GAREM1: variants seen among roughly 807,000 people sequenced by gnomAD.
The protein encoded by GAREM1 is GRB2 associated regulator of MAPK1 subtype 1, also known as GRB2-associated and regulator of MAPK protein 1.
Under a neutral mutation model 71.3 loss-of-function variants are expected in GAREM1, and 26 were observed. The observed-to-expected ratio is 0.36, with a 90% CI of 0.27 to 0.51. GAREM1 has a LOEUF of 0.51. Among genes scored for constraint, GAREM1 ranks in the 20% least tolerant of loss-of-function variants. The pLI, the probability that GAREM1 is intolerant of heterozygous loss-of-function variation, is 0.95. For missense variants in GAREM1, 1,026 were observed against 1,103.1 expected (o/e 0.93, Z 0.99); for synonymous variants, 440 against 433.2 (o/e 1.02, Z -0.20).
At chr18:32,360,174 T>C (rs1355537038) in intron 2 of GAREM1, among the ~76,000 whole-genome samples, 1 of 152,036 alleles carries the variant, frequency 6.6e-6, no homozygotes, top group African/African-American at 2.4e-5. Context: ...CTGGATTTAT[T>C]TCTGCAATTT....
intron 1 of GAREM1, among the ~76,000 whole-genome samples, chr18:32,447,285 A>AAT: frequency 6.6e-6 from 1 of 152,162 alleles, no homozygotes; most frequent in Non-Finnish European, 1.5e-5. Context: ...GTTGGAATTT[A>AAT]ATATATATAC....
intron 1 of GAREM1, among the ~76,000 whole-genome samples, chr18:32,418,293 T>C (rs374939870): frequency 1.3e-5 from 2 of 152,266 alleles, no homozygotes; most frequent in East Asian, 3.9e-4. Context: ...AGTTCCGTGA[T>C]GAGTCTCAGA....
At chr18:32,354,929 C>T (rs537178782) in intron 2 of GAREM1, among the ~76,000 whole-genome samples, 6 of 152,100 alleles carry the variant, frequency 3.9e-5, no homozygotes, top group Non-Finnish European at 7.4e-5. Flanking sequence ...ATTCCATATA[C>T]AAAATTATCT....
At position 32,268,637 on chromosome 18, in the gene GAREM1, G is replaced by A. The variant is rs774210648; in HGVS notation, c.1865C>T (p.Ser622Phe). 6.2e-7 allele frequency: 1 copy of A among 1,614,190 alleles called. No homozygotes were observed. Among genetic ancestry groups the A allele is most frequent in the Non-Finnish European group, 8.5e-7 (1 of 1,180,020 alleles). ...FGSPSAEAVS[S>F]RLSWPNHYSG... ...ATAATGGTTAGGCCATGAGAGCCGA[G>A]AGGACACAGCTTCAGCAGAAGGACT... is the stretch of plus-strand genomic sequence containing the variant. The change falls in exon 6 of 6, where the codon TCT (serine) becomes TTT (phenylalanine). Residue 622 changes from serine (S) to phenylalanine (F), a missense_variant. Ser to Phe is a radical substitution (Grantham distance 155). Around this residue, in one of 3 missense-constraint regions of GAREM1, gnomAD observed 636 missense variants for 631.2 expected, o/e 1.01. Transcript: ENST00000269209.
rs572624104 is a variant in GAREM1, at chr18:32,331,094, G to GT, written c.263-20772dup. ...AAACTGACATCATAGATAATTATAGGTTTTTTTCCCTCTTTAATTCTATTA... is the reference window on the plus strand; with the variant it reads ...AAACTGACATCATAGATAATTATAGGTTTTTTTTCCCTCTTTAATTCTATTA... On this transcript the variant is annotated intron_variant, in intron 2 of 5. Transcript: ENST00000269209. Among the ~76,000 whole-genome samples, 233 of 152,100 alleles carry GT rather than the reference G, an allele frequency of 1.5e-3. 1 individual carries two copies. Among genetic ancestry groups the GT allele is most frequent in the African/African-American group, 5.4e-3 (222 of 41,486 alleles).
intron 1 of GAREM1, 145 bp from the exon 2 acceptor site, chr18:32,393,180 G>GT (rs10708225): frequency 0.064 from 28,835 of 447,868 alleles, no homozygotes; most frequent in South Asian, 0.079. Flanking sequence ...CCTCTGAATT[G>GT]TTTTTTTTTT....
chr18:32,362,149 T>C (rs758218879), intron 2 of GAREM1, among the ~76,000 whole-genome samples: 37 of 152,182 alleles, frequency 2.4e-4, no homozygotes, highest in Admixed American at 8.5e-4. Context: ...CCATCTCCCA[T>C]ACCAGATGTT....
At chr18:32,452,604 T>C (rs1350020928) in intron 1 of GAREM1, among the ~76,000 whole-genome samples, 1 of 152,206 alleles carries the variant, frequency 6.6e-6, no homozygotes, top group African/African-American at 2.4e-5. Flanking sequence ...TATTTAATTG[T>C]CTAAGCACCT....
chr18:32,440,392 G>A (rs906102010), intron 1 of GAREM1, among the ~76,000 whole-genome samples: 2 of 152,212 alleles, frequency 1.3e-5, no homozygotes, highest in Admixed American at 1.3e-4. Flanking sequence ...ATTCTCAAGA[G>A]AGAATTAACC....
chr18:32,335,040 A>G (rs1455052425), intron 2 of GAREM1, among the ~76,000 whole-genome samples: 1 of 151,978 alleles, frequency 6.6e-6, no homozygotes, highest in Non-Finnish European at 1.5e-5. Flanking sequence ...CCCACTGCCA[A>G]TTTTCAAATC....
chr18:32,316,916 A>C (rs2047383081), intron 2 of GAREM1, among the ~76,000 whole-genome samples: 1 of 152,254 alleles, frequency 6.6e-6, no homozygotes, highest in Non-Finnish European at 1.5e-5. Context: ...TTCATGAGCT[A>C]AACAGTCTCT....
Position 32,297,402 on chromosome 18 carries a change from TCA to T in GAREM1, c.394-9201_394-9200del, listed in dbSNP as rs369740530. 2.7e-4 allele frequency among the ~76,000 whole-genome samples: 41 copies of T among 152,354 alleles called. No individual in the cohort carries two copies. The East Asian group carries it at 7.3e-3, about 27-fold the overall frequency. The stretch of plus-strand genomic sequence containing the variant: ...TAAGTGAACGTATGTAAACAAATGC[TCA>T]CAGTGCTTGGCACATGGTAGGCTCT... On this transcript the variant is annotated intron_variant, in intron 3 of 5. Coordinates refer to ENST00000269209, the MANE Select transcript of GAREM1 (RefSeq NM_001242409.2).
chr18:32,427,187 C>T (rs1198406689), intron 1 of GAREM1, among the ~76,000 whole-genome samples: 1 of 152,118 alleles, frequency 6.6e-6, no homozygotes, highest in Non-Finnish European at 1.5e-5. Context: ...ATCAAATGAA[C>T]TAAGATAGGG....
intron 1 of GAREM1, among the ~76,000 whole-genome samples, chr18:32,465,255 A>C (rs139539782): frequency 1.3e-5 from 2 of 152,242 alleles, no homozygotes; most frequent in African/African-American, 4.8e-5. Context: ...AGAAAAGAAA[A>C]GAAAAAGAAA....
chr18:32,357,327 A>T (rs1453562380), intron 2 of GAREM1, among the ~76,000 whole-genome samples: 4 of 152,118 alleles, frequency 2.6e-5, no homozygotes, highest in Non-Finnish European at 4.4e-5. Context: ...AAATAAATAA[A>T]TTTTTTAAAA....
At chr18:32,367,704 G>A (rs2047940031) in intron 2 of GAREM1, among the ~76,000 whole-genome samples, 1 of 152,120 alleles carries the variant, frequency 6.6e-6, no homozygotes, top group Non-Finnish European at 1.5e-5. Context: ...TGGCAGACAC[G>A]GTTCAGTCCC....
At chr18:32,319,136 C>T (rs1404694248) in intron 2 of GAREM1, among the ~76,000 whole-genome samples, 1 of 152,284 alleles carries the variant, frequency 6.6e-6, no homozygotes, top group South Asian at 2.1e-4. Context: ...AGGCCACAGA[C>T]AAACTTAGAT....
chr18:32,406,464 T>C (rs1029146125), intron 1 of GAREM1, among the ~76,000 whole-genome samples: 5 of 152,132 alleles, frequency 3.3e-5, no homozygotes. Flanking sequence ...TATAATCAAA[T>C]GACATGATGA....
At chr18:32,379,116 T>C (rs2048068348) in intron 2 of GAREM1, among the ~76,000 whole-genome samples, 1 of 151,982 alleles carries the variant, frequency 6.6e-6, no homozygotes, top group Admixed American at 6.6e-5. Context: ...GCTTTCCTCA[T>C]CCAGAAAAGG....
Sources: allele counts gnomAD v4.1 joint callset (sites outside exome capture counted in the v4.1 genomes callset), GRCh38; gene constraint gnomAD v4.1.1; regional missense constraint gnomAD v4.1.1; transcripts MANE v1.5; gene names NCBI Gene and HGNC (gene_info 2026-07-23, HGNC 2026-07-21).